CRAMP1: variants seen among roughly 807,000 people sequenced by gnomAD.
CRAMP1 encodes cramped chromatin regulator 1, also known as protein cramped-like.
Under a neutral mutation model 115.4 loss-of-function variants are expected in CRAMP1, and 50 were observed. The observed-to-expected ratio is 0.43, with a 90% CI of 0.35 to 0.55. The LOEUF is 0.55. Among genes scored for constraint, CRAMP1 ranks in the 20% least tolerant of loss-of-function variants. The pLI, the probability that CRAMP1 is intolerant of heterozygous loss-of-function variation, is 0.01. For synonymous variants in CRAMP1, 866 were observed against 745.4 expected (o/e 1.16, Z -2.64); for missense variants, 1,679 against 1,721.7 (o/e 0.98, Z 0.44).
rs144615538 is a variant in CRAMP1 at position 1,666,311 on chromosome 16, G to A, written c.2858-111G>A. The A allele has an allele frequency of 8.2e-7, 1 of 1,216,294 alleles. No individual in the cohort carries two copies. The highest frequency in any genetic ancestry group is 1.2e-6 in the Non-Finnish European group (1 of 850,992). 75.3% of individuals were successfully genotyped at this position (1,216,294 alleles called of 1,614,324 possible). On this transcript the variant is annotated intron_variant, in intron 15 of 20. Coordinates refer to ENST00000397412, the MANE Select transcript of CRAMP1 (RefSeq NM_020825.4). This position sits in a 1 kb window ranked among gnomAD's most constrained non-coding sequence, Gnocchi z 5.0. ...CTTCACCAAGAACATCTAAGCCCTT[G>A]GCTCTTGCATTGACATGAGGTGCGA...
intron 1 of CRAMP1, among the ~76,000 whole-genome samples, chr16:1,613,311 C>T (rs1170525140): frequency 6.6e-6 from 1 of 152,074 alleles, no homozygotes; most frequent in Non-Finnish European, 1.5e-5. Flanking sequence ...GGCCACGGAT[C>T]CTTGTGTGAT....
In CRAMP1 at chr16:1,666,654, G is replaced by A. The variant is rs904409040; in HGVS notation, c.3036+54G>A. The A allele has an allele frequency of 9.8e-6, 15 of 1,523,926 alleles. No individual in the cohort carries two copies. The highest frequency in any genetic ancestry group is 3.4e-5 in the Admixed American group (2 of 59,060). The allele number at this position is 1,523,926 out of a possible 1,614,324, so 94.4% of individuals were successfully genotyped here. A position where few individuals can be genotyped will look rare whatever the true frequency, so the allele number is the denominator to read the frequency against. On this transcript the variant is annotated intron_variant, in intron 16 of 20. Transcript: ENST00000397412. The surrounding 1 kb of genome is among the most constrained non-coding windows in gnomAD (Gnocchi z 5.0). Reference sequence around the variant, plus strand: ...ATTACCACCAACTTCTGGTGTGGACGCCAAAGCCATGGGGCTGAGATCACG... The same window carrying A: ...ATTACCACCAACTTCTGGTGTGGACACCAAAGCCATGGGGCTGAGATCACG...
At position 1,612,608 on chromosome 16, in the gene CRAMP1, C is replaced by T. The variant is rs1480985613; in HGVS notation, c.-51C>T. 6.6e-6 allele frequency among the ~76,000 whole-genome samples: 1 copy of T among 151,924 alleles called. No homozygotes were observed. The highest frequency in any genetic ancestry group is 2.1e-4 in the South Asian group (1 of 4,830). ...CCCGGCCCGGCTGGTTCTGCGGGCA[C>T]CCGGGGAGGCCCCGGGAAGCCAGGC... is the stretch of plus-strand genomic sequence containing the variant. On this transcript the variant is annotated 5_prime_UTR_variant, in exon 1 of 21. Coordinates refer to ENST00000397412, the MANE Select transcript of CRAMP1 (RefSeq NM_020825.4).
At chr16:1,660,357 C>T (rs1186518282) in intron 11 of CRAMP1, among the ~76,000 whole-genome samples, 1 of 152,182 alleles carries the variant, frequency 6.6e-6, no homozygotes, top group Admixed American at 6.5e-5. Flanking sequence ...CAGCAAAAGC[C>T]TTGCTAATGT....
At chr16:1,662,889 C>A in intron 13 of CRAMP1, 54 bp downstream of exon 13, 1 of 1,370,248 alleles carries the variant, frequency 7.3e-7, no homozygotes, top group Non-Finnish European at 1.0e-6. Flanking sequence ...CCAACCAGGA[C>A]ACAGGGCTTC....
intron 2 of CRAMP1, among the ~76,000 whole-genome samples, chr16:1,616,775 C>T (rs1397444436): frequency 6.6e-6 from 1 of 152,024 alleles, no homozygotes; most frequent in African/African-American, 2.4e-5. Context: ...AATTTGTGCT[C>T]CTCGTGACAT....
In CRAMP1 at chr16:1,666,353, C is replaced by G; in HGVS notation, c.2858-69C>G. 1.4e-6 allele frequency: 2 copies of G among 1,466,348 alleles called. No individual in the cohort carries two copies. The highest frequency in any genetic ancestry group is 1.9e-6 in the Non-Finnish European group (2 of 1,070,692). The allele number at this position is 1,466,348 out of a possible 1,614,324, so 90.8% of individuals were successfully genotyped here. On this transcript the variant is annotated intron_variant, in intron 15 of 20. Transcript: ENST00000397412. The surrounding 1 kb of genome is among the most constrained non-coding windows in gnomAD (Gnocchi z 5.0). ...GAGGTGCGAGGGAGAAGCTGTTCCC[C>G]GAGCCCTCTTGGGACATCTTATGGG...
chr16:1,643,558 A>G (rs1335186629), intron 6 of CRAMP1, among the ~76,000 whole-genome samples: 1 of 151,916 alleles, frequency 6.6e-6, no homozygotes, highest in Non-Finnish European at 1.5e-5. Context: ...GAAAAAAAAA[A>G]AAAACCCTCA....
In CRAMP1 at chr16:1,666,634, C is replaced by A; in HGVS notation, c.3036+34C>A. On this transcript the variant is annotated intron_variant, in intron 16 of 20. Transcript: ENST00000397412. This position sits in a 1 kb window ranked among gnomAD's most constrained non-coding sequence, Gnocchi z 5.0. ...GTTTAGAAGGGCTTTTCAGCATTAC[C>A]ACCAACTTCTGGTGTGGACGCCAAA... 1.3e-6 allele frequency: 2 copies of A among 1,592,468 alleles called. No individual in the cohort carries two copies. The highest frequency in any genetic ancestry group is 2.2e-5 in the South Asian group (2 of 90,568).
intron 3 of CRAMP1, among the ~76,000 whole-genome samples, chr16:1,630,602 G>A (rs2036541529): frequency 6.6e-6 from 1 of 152,204 alleles, no homozygotes; most frequent in South Asian, 2.1e-4. Flanking sequence ...ATTTGCAGGC[G>A]GTATTCAGAT....
At chr16:1,632,065 A>G (rs2036551605) in intron 3 of CRAMP1, 147 bp from the exon 4 acceptor site, 3 of 823,318 alleles carry the variant, frequency 3.6e-6, no homozygotes, top group East Asian at 2.7e-5. Flanking sequence ...GTTCAAGTTC[A>G]TACACAGATA....
intron 2 of CRAMP1, among the ~76,000 whole-genome samples, chr16:1,619,626 C>A (rs1001134236): frequency 6.6e-6 from 1 of 152,174 alleles, no homozygotes; most frequent in Non-Finnish European, 1.5e-5. Context: ...AGAGGGCATA[C>A]GCTTTTATAC....
rs377597921 is a variant in CRAMP1 at position 1,656,405 on chromosome 16, G to C, written c.1648G>C (p.Asp550His). 1.9e-5 allele frequency: 30 copies of C among 1,591,334 alleles called. No individual in the cohort carries two copies. The African/African-American group carries it at 3.6e-4, about 19-fold the overall frequency. ...ALPCACGQLP[D>H]LEDELSLLDP... ...GCCGTGTGCCTGTGGCCAGCTCCCAGACCTGGAGGACGAGCTCTCGCTTCT... is the reference window on the plus strand; with the variant it reads ...GCCGTGTGCCTGTGGCCAGCTCCCACACCTGGAGGACGAGCTCTCGCTTCT... Residue 550 changes from aspartate (D) to histidine (H), a missense_variant, in exon 10 of 21, where the codon GAC (aspartate) becomes CAC (histidine). Asp to His is a moderately conservative substitution (Grantham distance 81). This residue lies in a region of CRAMP1 where 405 missense variants were observed against 302.6 expected (regional missense o/e 1.34). Coordinates refer to ENST00000397412, the MANE Select transcript of CRAMP1 (RefSeq NM_020825.4). The surrounding 1 kb of genome is among the most constrained non-coding windows in gnomAD (Gnocchi z 5.6).
Position 1,642,852 on chromosome 16 carries a change from T to C in CRAMP1, c.827+1665T>C, listed in dbSNP as rs1302644870. Among the ~76,000 whole-genome samples the C allele has an allele frequency of 7.2e-5, 11 of 152,246 alleles. No homozygotes were observed. In the East Asian group the frequency reaches 2.1e-3, roughly 29 times the overall value. ...CTCTTTGCTGTATGCTTGAGGACGG[T>C]GCACAGAGTGGCCTGTCCGATGAGC... On this transcript the variant is annotated intron_variant, in intron 6 of 20. Transcript: ENST00000397412.
intron 3 of CRAMP1, among the ~76,000 whole-genome samples, 181 bp downstream of exon 3, chr16:1,626,347 C>T (rs1156510642): frequency 1.3e-5 from 2 of 152,202 alleles, no homozygotes; most frequent in African/African-American, 4.8e-5. Context: ...TGTTTTATCT[C>T]CTCATTGAGA....
Position 1,654,305 on chromosome 16 carries a change from A to G in CRAMP1, c.1038-914A>G, listed in dbSNP as rs1041060663. On this transcript the variant is annotated intron_variant, in intron 8 of 20. Coordinates refer to ENST00000397412, the MANE Select transcript of CRAMP1 (RefSeq NM_020825.4). ...CGGCTCACTGCAACCTCCGTCTCCC[A>G]CGTTTAAGTGATTCTCCTGCCTCAG... is the stretch of plus-strand genomic sequence containing the variant. Among the ~76,000 whole-genome samples, 4 of 148,534 alleles carry G rather than the reference A, an allele frequency of 2.7e-5. 1 individual carries two copies. The South Asian group carries it at 8.6e-4, about 32-fold the overall frequency.
At chr16:1,670,477 G>C (rs574419543) in intron 19 of CRAMP1, 187 bp from the exon 20 acceptor site, 4 of 637,786 alleles carry the variant, frequency 6.3e-6, no homozygotes, top group African/African-American at 3.6e-5. Context: ...ATGCACGAAG[G>C]CCTGTTAAAC....
At position 1,614,818 on chromosome 16, in the gene CRAMP1, CCGCGCCCCCCGG is replaced by C. The variant is rs1026967852; in HGVS notation, c.186_197del (p.Pro63_Pro66del). 2.0e-5 allele frequency: 26 copies of C among 1,269,990 alleles called. No individual in the cohort carries two copies. The African/African-American group carries it at 3.6e-4, about 17-fold the overall frequency. 78.7% of individuals were successfully genotyped at this position (1,269,990 alleles called of 1,614,324 possible). The stretch of plus-strand genomic sequence containing the variant: ...CCCCGGGCCGGCGCCGACGGCCCCC[CCGCGCCCCCCGG>C]CGCGCCGCAGGCGCCGTCCCCGCCG... On this transcript the variant is annotated inframe_deletion, in exon 2 of 21. Coordinates refer to ENST00000397412, the MANE Select transcript of CRAMP1 (RefSeq NM_020825.4). This position sits in a 1 kb window ranked among gnomAD's most constrained non-coding sequence, Gnocchi z 4.4.
intron 6 of CRAMP1, among the ~76,000 whole-genome samples, chr16:1,651,740 C>T (rs1037662220): frequency 5.3e-5 from 8 of 150,276 alleles, no homozygotes; most frequent in African/African-American, 2.0e-4. Context: ...ATTGAGGTCA[C>T]ACAGAGGTCA....
Sources: gnomAD v4.1 joint callset for allele counts (sites outside exome capture counted in the v4.1 genomes callset) on GRCh38, gnomAD v4.1.1 for gene constraint, gnomAD v4.1.1 regional missense constraint, Gnocchi (gnomAD v3.1) non-coding constraint, MANE v1.5 for transcripts, NCBI Gene and HGNC (gene_info 2026-07-23, HGNC 2026-07-21) for gene names.